The following ARHGAP10 variants were observed in gnomAD, a reference collection of about 807,000 sequenced individuals.
The protein encoded by ARHGAP10 is rho GTPase-activating protein 10.
Under a neutral mutation model 108.6 loss-of-function variants are expected in ARHGAP10, and 87 were observed. That is an observed-to-expected ratio of 0.80 (90% CI 0.67 to 0.96). The LOEUF is 0.96. Among genes scored for constraint, ARHGAP10 ranks in the 40% least tolerant of loss-of-function variants. ARHGAP10 has a pLI of 0.00. For synonymous variants in ARHGAP10, 347 were observed against 341.1 expected (o/e 1.02, Z -0.19); for missense variants, 939 against 954.5 (o/e 0.98, Z 0.21).
intron 16 of ARHGAP10, among the ~76,000 whole-genome samples, 175 bp from the exon 17 acceptor site, chr4:147,964,849 G>T (rs1362803026): frequency 6.6e-6 from 1 of 152,080 alleles, no homozygotes; most frequent in Non-Finnish European, 1.5e-5. Flanking sequence ...TAAGGAGAAA[G>T]ATTTTTTTTT....
intron 14 of ARHGAP10, among the ~76,000 whole-genome samples, chr4:147,945,011 T>A (rs1738316092): frequency 6.6e-6 from 1 of 152,136 alleles, no homozygotes; most frequent in East Asian, 1.9e-4. Flanking sequence ...TTACATTATC[T>A]CCATTGTGCA....
chr4:147,984,313 C>A lies in ARHGAP10; in HGVS notation c.1716+17474C>A, dbSNP rs552447753. Among the ~76,000 whole-genome samples, 11 of 152,328 alleles carry A rather than the reference C, an allele frequency of 7.2e-5. No homozygotes were observed. In the East Asian group the frequency reaches 2.1e-3, roughly 29 times the overall value. ...AGAAGCCCCAGGAAGCAGTTTCTTT[C>A]AGCCCAAACTCTCCAGGCCCCAGCA... is the stretch of plus-strand genomic sequence containing the variant. On this transcript the variant is annotated intron_variant, in intron 18 of 22. Coordinates refer to ENST00000336498, the MANE Select transcript of ARHGAP10 (RefSeq NM_024605.4).
intron 1 of ARHGAP10, among the ~76,000 whole-genome samples, chr4:147,807,119 G>A (rs17023846): frequency 0.11 from 16,871 of 152,144 alleles, 2,718 homozygotes; most frequent in African/African-American, 0.36. Flanking sequence ...GTTAGGAATT[G>A]GAGAGACCTG....
chr4:148,009,964 T>C (rs12648838), intron 18 of ARHGAP10, among the ~76,000 whole-genome samples: 57,127 of 152,076 alleles, frequency 0.38, 12,939 homozygotes, highest in East Asian at 0.58. Flanking sequence ...TTCCTTAGAG[T>C]GAATATATAC....
chr4:147,744,417 A>G (rs1004390244), intron 1 of ARHGAP10, among the ~76,000 whole-genome samples: 1 of 152,058 alleles, frequency 6.6e-6, no homozygotes, highest in Non-Finnish European at 1.5e-5. Context: ...CTTGGAAAGC[A>G]GGTTGAGGGC....
At chr4:148,047,168 G>C in intron 20 of ARHGAP10, 117 bp downstream of exon 20, 1 of 1,270,382 alleles carries the variant, frequency 7.9e-7, no homozygotes, top group Non-Finnish European at 1.1e-6. Context: ...AGGAGCCCTT[G>C]TTTTCTTATC....
intron 3 of ARHGAP10, among the ~76,000 whole-genome samples, chr4:147,829,810 A>G (rs1732874324): frequency 6.6e-6 from 1 of 152,154 alleles, no homozygotes; most frequent in African/African-American, 2.4e-5. Flanking sequence ...ACTTCTCTAC[A>G]TGTATTCTTT....
chr4:147,823,132 C>A (rs575105798), intron 3 of ARHGAP10, among the ~76,000 whole-genome samples, 175 bp downstream of exon 3: 6 of 152,144 alleles, frequency 3.9e-5, no homozygotes, highest in African/African-American at 1.4e-4. Context: ...AGGGTGCTGA[C>A]CACGGTCAGA....
chr4:148,041,294 A>G (rs1037592647), intron 19 of ARHGAP10, among the ~76,000 whole-genome samples: 3 of 152,222 alleles, frequency 2.0e-5, no homozygotes, highest in Non-Finnish European at 2.9e-5. Flanking sequence ...ACCATGCCCA[A>G]AAAATCTTCA....
In ARHGAP10 at chr4:147,822,746, G is replaced by T; in HGVS notation, c.174G>T (p.Arg58=). 2 of 1,614,194 alleles carry T rather than the reference G, an allele frequency of 1.2e-6. No homozygotes were observed. The highest frequency in any genetic ancestry group is 1.7e-6 in the Non-Finnish European group (2 of 1,180,038). ...AATKSLSVAQ[R]KFAHSLRDFK... ...TTCTAGGTCTGTCAGTGGCCCAGCG[G>T]AAGTTTGCTCATTCACTCAGAGACT... Residue 58 remains arginine, a synonymous_variant, in exon 2 of 23, where the codon CGG becomes CGT. Transcript: ENST00000336498.
At chr4:147,921,512 T>C (rs1249234233) in intron 13 of ARHGAP10, among the ~76,000 whole-genome samples, 1 of 152,144 alleles carries the variant, frequency 6.6e-6, no homozygotes. Flanking sequence ...GAGTAGGGTT[T>C]ATGAAGGCTC....
intron 1 of ARHGAP10, among the ~76,000 whole-genome samples, chr4:147,803,837 T>C (rs1486958938): frequency 2.6e-5 from 4 of 152,198 alleles, no homozygotes; most frequent in Non-Finnish European, 4.4e-5. Flanking sequence ...CATTCATCCA[T>C]TGATGGACAC....
At chr4:148,006,587 CT>C (rs1740961633) in intron 18 of ARHGAP10, among the ~76,000 whole-genome samples, 2 of 152,162 alleles carry the variant, frequency 1.3e-5, no homozygotes, top group Admixed American at 1.3e-4. Flanking sequence ...CACAGTTTCA[CT>C]GAAAATGAAT....
In ARHGAP10 at chr4:147,875,025, G is replaced by T; in HGVS notation, c.707G>T (p.Arg236Leu). Residue 236 changes from arginine to leucine, a missense_variant, in exon 8 of 23, where the codon CGG (arginine) becomes CTG (leucine). Physicochemically the swap from Arg to Leu is moderately radical, Grantham distance 102. Coordinates refer to ENST00000336498, the MANE Select transcript of ARHGAP10 (RefSeq NM_024605.4). ...GTGTTTTTTAATCCATTTCAGACACGGAATCGATTTGAAGGAACAAGGTCA... is the reference window on the plus strand; with the variant it reads ...GTGTTTTTTAATCCATTTCAGACACTGAATCGATTTGAAGGAACAAGGTCA... Reference protein sequence around the residue: ...MELQINIQNTRNRFEGTRSEV... With the variant: ...MELQINIQNTLNRFEGTRSEV... 1 of 1,581,284 alleles carries T rather than the reference G, an allele frequency of 6.3e-7. No individual in the cohort carries two copies. Among genetic ancestry groups the T allele is most frequent in the African/African-American group, 1.4e-5 (1 of 73,148 alleles).
At chr4:147,986,727 T>A (rs944169164) in intron 18 of ARHGAP10, among the ~76,000 whole-genome samples, 6 of 152,264 alleles carry the variant, frequency 3.9e-5, no homozygotes, top group Non-Finnish European at 8.8e-5. Flanking sequence ...TAAGTGCTCA[T>A]ATTCTGTAAA....
intron 4 of ARHGAP10, among the ~76,000 whole-genome samples, chr4:147,853,815 A>C (rs1395108520): frequency 6.6e-6 from 1 of 151,162 alleles, no homozygotes; most frequent in Admixed American, 6.6e-5. Context: ...CTCTATTCTG[A>C]GATTTGTTGA....
At chr4:148,013,266 C>A (rs1741232902) in intron 18 of ARHGAP10, among the ~76,000 whole-genome samples, 1 of 152,178 alleles carries the variant, frequency 6.6e-6, no homozygotes, top group South Asian at 2.1e-4. Context: ...ATATGTAAGT[C>A]ATTCCTGTAA....
intron 10 of ARHGAP10, among the ~76,000 whole-genome samples, chr4:147,898,807 C>G (rs1191545730): frequency 7.2e-6 from 1 of 137,982 alleles, no homozygotes; most frequent in Non-Finnish European, 1.6e-5. Flanking sequence ...CCTAGGTTAT[C>G]TTTAGAGAGA....
At chr4:147,835,652 G>A (rs533071866) in intron 3 of ARHGAP10, among the ~76,000 whole-genome samples, 19 of 152,306 alleles carry the variant, frequency 1.2e-4, no homozygotes, top group African/African-American at 3.8e-4. Context: ...GGGATTACAG[G>A]CATGAGCCAC....
Sources: gnomAD v4.1 joint callset for allele counts (sites outside exome capture counted in the v4.1 genomes callset) on GRCh38, gnomAD v4.1.1 for gene constraint, MANE v1.5 for transcripts, NCBI Gene and HGNC (gene_info 2026-07-23, HGNC 2026-07-21) for gene names.